The following SAMMSON variants were observed in gnomAD, a reference collection of about 807,000 sequenced individuals.
SAMMSON encodes the protein long intergenic non-protein coding RNA 1212.
chr3:70,093,826 T>C (rs901975895), intron 4 of SAMMSON, among the ~76,000 whole-genome samples: 6 of 152,294 alleles, frequency 3.9e-5, no homozygotes, highest in African/African-American at 1.4e-4. Context: ...CAAAACCATA[T>C]TGGCCCATTC....
chr3:70,067,502 C>T (rs576809168), intron 3 of SAMMSON, among the ~76,000 whole-genome samples: 2 of 152,066 alleles, frequency 1.3e-5, no homozygotes, highest in East Asian at 3.9e-4. Context: ...CCACCTCGCC[C>T]CCACTTGGAA....
At chr3:70,336,909 G>C (rs576608347) in intron 7 of SAMMSON, among the ~76,000 whole-genome samples, 1 of 148,760 alleles carries the variant, frequency 6.7e-6, no homozygotes, top group Non-Finnish European at 1.5e-5. Flanking sequence ...GCTCCTACCA[G>C]GGGTTCATCT....
intron 4 of SAMMSON, among the ~76,000 whole-genome samples, chr3:70,228,734 C>T (rs1363152504): frequency 6.8e-6 from 1 of 148,028 alleles, no homozygotes; most frequent in African/African-American, 2.5e-5. Flanking sequence ...TTAATTTTTT[C>T]ATGAATCTTT....
At chr3:70,393,652 A>G (rs538174014), downstream of SAMMSON, among the ~76,000 whole-genome samples, 11 of 152,180 alleles carry the variant, frequency 7.2e-5, no homozygotes, top group Non-Finnish European at 1.3e-4. Flanking sequence ...ATCTCTGAAG[A>G]AATGAGACTA....
intron 4 of SAMMSON, among the ~76,000 whole-genome samples, chr3:70,228,593 G>T (rs148832243): frequency 3.3e-5 from 5 of 149,710 alleles, no homozygotes; most frequent in Admixed American, 1.3e-4. Context: ...TTTCAGAGTC[G>T]ACTTACTGGA....
At chr3:70,279,535 T>C (rs1246826126) in intron 6 of SAMMSON, among the ~76,000 whole-genome samples, 1 of 152,170 alleles carries the variant, frequency 6.6e-6, no homozygotes, top group Non-Finnish European at 1.5e-5. Context: ...TCTTGCCAAA[T>C]GTGTCACCCC....
At chr3:70,041,623 T>C (rs559335897) in intron 3 of SAMMSON, among the ~76,000 whole-genome samples, 25 of 151,760 alleles carry the variant, frequency 1.6e-4, no homozygotes, top group African/African-American at 5.8e-4. Context: ...TTTAAAAAAT[T>C]TGAAAAAAAT....
intron 4 of SAMMSON, among the ~76,000 whole-genome samples, chr3:70,098,194 A>G (rs1018178752): frequency 3.3e-5 from 5 of 152,142 alleles, no homozygotes; most frequent in Non-Finnish European, 5.9e-5. Context: ...TAGAGTCCAG[A>G]TAAAGTCAGC....
At chr3:70,144,309 A>G (rs2067539465) in intron 4 of SAMMSON, among the ~76,000 whole-genome samples, 1 of 152,058 alleles carries the variant, frequency 6.6e-6, no homozygotes, top group East Asian at 1.9e-4. Context: ...TGCTATATAT[A>G]AAATAATTCT....
chr3:70,361,101 G>C (rs142170228), intron 9 of SAMMSON, among the ~76,000 whole-genome samples: 1 of 152,208 alleles, frequency 6.6e-6, no homozygotes, highest in African/African-American at 2.4e-5. Context: ...TGCTAAGATG[G>C]AAACTGTAAT....
At chr3:70,144,301 C>T (rs1290337561) in intron 4 of SAMMSON, among the ~76,000 whole-genome samples, 1 of 151,920 alleles carries the variant, frequency 6.6e-6, no homozygotes, top group Non-Finnish European at 1.5e-5. Flanking sequence ...TGCTGAACTG[C>T]TATATATAAA....
At chr3:70,064,469 G>C (rs1423757603) in intron 3 of SAMMSON, among the ~76,000 whole-genome samples, 1 of 152,102 alleles carries the variant, frequency 6.6e-6, no homozygotes, top group Non-Finnish European at 1.5e-5. Context: ...TAAAGAAATG[G>C]GAGAAAGTGA....
chr3:70,414,122 C>T (rs2106770334), intron 2 of SAMMSON, among the ~76,000 whole-genome samples: 1 of 152,196 alleles, frequency 6.6e-6, no homozygotes, highest in East Asian at 1.9e-4. Flanking sequence ...CTGAAAATCT[C>T]TAGTTTCTGA....
chr3:70,245,712 TATAC>T (rs1289496906), intron 4 of SAMMSON, among the ~76,000 whole-genome samples: 2 of 128,382 alleles, frequency 1.6e-5, no homozygotes, highest in East Asian at 2.3e-4. Flanking sequence ...TATATATATA[TATAC>T]ACATTCAAAT....
intron 7 of SAMMSON, among the ~76,000 whole-genome samples, chr3:70,292,231 C>G (rs1431784169): frequency 6.6e-6 from 1 of 152,108 alleles, no homozygotes; most frequent in Non-Finnish European, 1.5e-5. Flanking sequence ...AGTTGTTGTA[C>G]AGATTGAGTG....
intron 3 of SAMMSON, among the ~76,000 whole-genome samples, chr3:70,062,417 T>G (rs73836042): frequency 0.012 from 1,872 of 152,194 alleles, 43 homozygotes; most frequent in African/African-American, 0.042. Flanking sequence ...AACATATTAA[T>G]TTGCTCATTT....
At chr3:70,374,418 A>G (rs1475015972) in intron 9 of SAMMSON, among the ~76,000 whole-genome samples, 1 of 152,176 alleles carries the variant, frequency 6.6e-6, no homozygotes, top group Non-Finnish European at 1.5e-5. Context: ...TTTTCTCATG[A>G]CAGCCTTCCA....
chr3:70,308,528 G>C (rs1702424678), intron 7 of SAMMSON, among the ~76,000 whole-genome samples: 1 of 152,036 alleles, frequency 6.6e-6, no homozygotes, highest in South Asian at 2.1e-4. Context: ...AGATCTCTTT[G>C]ACACCACCAC....
Position 70,377,667 on chromosome 3 carries a change from G to A in SAMMSON, n.914-11907G>A, listed in dbSNP as rs1703032187. ...ATAAAGATATTATTTTTGTGGTGAA[G>A]TATACCAAAAACGAAGTCACATGAC... On this transcript the variant is annotated intron_variant and non_coding_transcript_variant, in intron 9 of 9. Coordinates refer to ENST00000642114, the Ensembl canonical transcript of SAMMSON. Among the ~76,000 whole-genome samples, 4 of 152,128 alleles carry A rather than the reference G, an allele frequency of 2.6e-5. No individual in the cohort carries two copies. The South Asian group carries it at 8.3e-4, about 31-fold the overall frequency.
Sources: gnomAD v4.1 joint callset for allele counts (sites outside exome capture counted in the v4.1 genomes callset) on GRCh38, gnomAD v4.1.1 for gene constraint, MANE v1.5 for transcripts, NCBI Gene and HGNC (gene_info 2026-07-23, HGNC 2026-07-21) for gene names.